KIAA1958: variants seen among roughly 807,000 people sequenced by gnomAD.
KIAA1958 encodes KIAA1958, also known as uncharacterized protein KIAA1958.
In KIAA1958, 14 loss-of-function variants were observed where a neutral mutation model predicts 47.2. The observed-to-expected ratio is 0.30, with a 90% CI of 0.20 to 0.46. The LOEUF (loss-of-function observed/expected upper bound fraction) is 0.46, where lower values mean the gene tolerates loss of function less well. Among genes scored for constraint, KIAA1958 ranks in the 20% least tolerant of loss-of-function variants. The probability of loss-of-function intolerance (pLI) is 1.00; values close to 1 mark genes in which losing one functional copy is unlikely to be tolerated. For missense variants in KIAA1958, 803 were observed against 909.2 expected (o/e 0.88, Z 1.50); for synonymous variants, 354 against 353.3 (o/e 1.00, Z -0.02).
At chr9:112,489,746 CCTT>C (rs1833931068) in intron 1 of KIAA1958, among the ~76,000 whole-genome samples, 1 of 152,026 alleles carries the variant, frequency 6.6e-6, no homozygotes, top group Non-Finnish European at 1.5e-5. Context: ...ACATTTACCA[CCTT>C]CTCTTTTTAA....
At chr9:112,487,147 G>A (rs1418200176) in intron 1 of KIAA1958, 29 bp downstream of exon 1, 4 of 200,718 alleles carry the variant, frequency 2.0e-5, no homozygotes, top group Non-Finnish European at 3.1e-5. Context: ...GCGGGGCGGG[G>A]ACGAGTGCGC....
intron 1 of KIAA1958, among the ~76,000 whole-genome samples, chr9:112,543,799 C>T (rs191689551): frequency 6.6e-6 from 1 of 152,206 alleles, no homozygotes; most frequent in South Asian, 2.1e-4. Flanking sequence ...TCTCGAACTT[C>T]CGACCTCAGA....
At chr9:112,591,038 G>A (rs1343606351) in intron 2 of KIAA1958, among the ~76,000 whole-genome samples, 2 of 152,164 alleles carry the variant, frequency 1.3e-5, no homozygotes, top group Non-Finnish European at 2.9e-5. Flanking sequence ...TAACTCATGA[G>A]CAAAACTTAA....
intron 2 of KIAA1958, among the ~76,000 whole-genome samples, chr9:112,598,057 T>C (rs1321403759): frequency 1.3e-5 from 2 of 152,164 alleles, no homozygotes; most frequent in Non-Finnish European, 2.9e-5. Context: ...TTGTTAGACA[T>C]GCTGTGGTAG....
chr9:112,540,782 T>A (rs1834927502), intron 1 of KIAA1958, among the ~76,000 whole-genome samples: 2 of 151,914 alleles, frequency 1.3e-5, no homozygotes, highest in South Asian at 4.2e-4. Context: ...GTGGCACAAT[T>A]ATGGCTCACT....
chr9:112,532,828 A>G (rs552097373), intron 1 of KIAA1958, among the ~76,000 whole-genome samples: 26 of 152,362 alleles, frequency 1.7e-4, no homozygotes, highest in Middle Eastern at 3.4e-3. Flanking sequence ...ACTGTACTCA[A>G]TGGTAATGCC....
At chr9:112,506,564 T>C (rs1280796693) in intron 1 of KIAA1958, among the ~76,000 whole-genome samples, 2 of 152,224 alleles carry the variant, frequency 1.3e-5, no homozygotes, top group African/African-American at 4.8e-5. Context: ...TTATACATGT[T>C]TGTGACTACC....
intron 2 of KIAA1958, among the ~76,000 whole-genome samples, chr9:112,594,535 G>A (rs978544573): frequency 7.9e-5 from 12 of 152,176 alleles, no homozygotes; most frequent in Admixed American, 6.6e-4. Flanking sequence ...AGATATACCT[G>A]TGTTATAGTA....
chr9:112,497,675 T>C (rs1020232598), intron 1 of KIAA1958, among the ~76,000 whole-genome samples: 1 of 152,194 alleles, frequency 6.6e-6, no homozygotes, highest in African/African-American at 2.4e-5. Context: ...CAATACAGTT[T>C]TTTTTTTAAT....
At chr9:112,594,473 A>C (rs143230435) in intron 2 of KIAA1958, among the ~76,000 whole-genome samples, 4 of 152,290 alleles carry the variant, frequency 2.6e-5, no homozygotes, top group Admixed American at 2.6e-4. Flanking sequence ...CATTTTATGT[A>C]AGTGCAATTG....
chr9:112,656,051 G>A (rs1837144995), intron 3 of KIAA1958, among the ~76,000 whole-genome samples: 1 of 152,054 alleles, frequency 6.6e-6, no homozygotes, highest in African/African-American at 2.4e-5. Context: ...ACATTCTGAG[G>A]CTAAGAAGAA....
chr9:112,660,104 T>C lies in KIAA1958; in HGVS notation c.*35T>C. Reference sequence around the variant, plus strand: ...GGGGCCCGGCCACTGCCCTGTCACCTGCTCGGGCCAGCCAGGGTTGGAGCA... The same window carrying C: ...GGGGCCCGGCCACTGCCCTGTCACCCGCTCGGGCCAGCCAGGGTTGGAGCA... On this transcript the variant is annotated 3_prime_UTR_variant, in exon 4 of 4. Transcript: ENST00000337530. The C allele has an allele frequency of 1.3e-6, 2 of 1,583,330 alleles. No homozygotes were observed. Among genetic ancestry groups the C allele is most frequent in the Non-Finnish European group, 1.7e-6 (2 of 1,161,054 alleles).
intron 1 of KIAA1958, among the ~76,000 whole-genome samples, chr9:112,552,676 C>T (rs1175027675): frequency 2.0e-5 from 3 of 152,158 alleles, no homozygotes; most frequent in South Asian, 2.1e-4. Context: ...ACAAGGAAAA[C>T]GCTCCTCTTT....
chr9:112,500,921 G>A (rs920342929), intron 1 of KIAA1958, among the ~76,000 whole-genome samples: 6 of 151,394 alleles, frequency 4.0e-5, no homozygotes, highest in African/African-American at 1.5e-4. Context: ...ATCAGCCTGG[G>A]CCACATAGGG....
intron 1 of KIAA1958, among the ~76,000 whole-genome samples, chr9:112,549,028 G>A (rs947290178): frequency 9.2e-5 from 14 of 152,174 alleles, no homozygotes; most frequent in Non-Finnish European, 1.9e-4. Flanking sequence ...ATTCAGAACT[G>A]TGAAAAAATA....
intron 3 of KIAA1958, among the ~76,000 whole-genome samples, chr9:112,650,239 CA>C (rs1322193898): frequency 6.6e-6 from 1 of 152,012 alleles, no homozygotes; most frequent in African/African-American, 2.4e-5. Flanking sequence ...AAGACCTACA[CA>C]ACAATATATA....
At chr9:112,584,887 C>T (rs1012426857) in intron 2 of KIAA1958, among the ~76,000 whole-genome samples, 5 of 152,218 alleles carry the variant, frequency 3.3e-5, no homozygotes, top group Admixed American at 2.6e-4. Flanking sequence ...CTCCCCGCCC[C>T]GCCTTTGCCT....
At chr9:112,512,564 CTG>C (rs1237446222) in intron 1 of KIAA1958, among the ~76,000 whole-genome samples, 1 of 152,152 alleles carries the variant, frequency 6.6e-6, no homozygotes, top group Non-Finnish European at 1.5e-5. Context: ...TAATTTAAGA[CTG>C]AATGCTCTCA....
intron 1 of KIAA1958, among the ~76,000 whole-genome samples, chr9:112,560,824 A>G (rs1229548040): frequency 6.6e-6 from 1 of 152,066 alleles, no homozygotes. Context: ...ATAACTTTTG[A>G]TAGGTATCAT....
Sources: gnomAD v4.1 joint callset for allele counts (sites outside exome capture counted in the v4.1 genomes callset) on GRCh38, gnomAD v4.1.1 for gene constraint, MANE v1.5 for transcripts, NCBI Gene and HGNC (gene_info 2026-07-23, HGNC 2026-07-21) for gene names.